Variants in NEDD1 observed in about 807,000 individuals in gnomAD.
The protein encoded by NEDD1 is NEDD1 gamma-tubulin ring complex targeting factor.
In NEDD1, 33 loss-of-function variants were observed where a neutral mutation model predicts 74.0. The observed-to-expected ratio is 0.45, with a 90% confidence interval of 0.34 to 0.60. The LOEUF (loss-of-function observed/expected upper bound fraction) is 0.60. Among genes scored for constraint, NEDD1 ranks in the 20% least tolerant of loss-of-function variants. The probability of loss-of-function intolerance (pLI) is 0.01; values close to 1 mark genes in which losing one functional copy is unlikely to be tolerated. For synonymous variants in NEDD1, 250 were observed against 264.4 expected (o/e 0.95, Z 0.53); for missense variants, 746 against 776.5 (o/e 0.96, Z 0.47).
chr12:96,928,389 A>G (rs1048449967), intron 6 of NEDD1, among the ~76,000 whole-genome samples: 1 of 152,164 alleles, frequency 6.6e-6, no homozygotes. Flanking sequence ...TTGTTTTCAT[A>G]AGTATGTATC....
intron 6 of NEDD1, among the ~76,000 whole-genome samples, chr12:96,928,936 C>T (rs1031397526): frequency 3.3e-5 from 5 of 151,760 alleles, no homozygotes; most frequent in African/African-American, 9.7e-5. Flanking sequence ...GTGATCTGCC[C>T]GCCTCGGCCT....
chr12:96,918,401 TAATATGAAA>T (rs56112144), intron 5 of NEDD1, among the ~76,000 whole-genome samples: 71,356 of 151,314 alleles, frequency 0.47, 16,989 homozygotes, highest in South Asian at 0.52. Context: ...AAAAAAGTTT[TAATATGAAA>T]AATATAAACA....
chr12:96,916,808 C>T (rs540981942), intron 4 of NEDD1, among the ~76,000 whole-genome samples: 11 of 152,144 alleles, frequency 7.2e-5, no homozygotes, highest in Admixed American at 7.2e-4. Flanking sequence ...GTCCACCCTA[C>T]TTATGAAGGA....
intron 6 of NEDD1, among the ~76,000 whole-genome samples, chr12:96,921,511 T>G (rs1434948993): frequency 6.6e-6 from 1 of 152,120 alleles, no homozygotes; most frequent in Non-Finnish European, 1.5e-5. Flanking sequence ...GTCCACATTA[T>G]TGGTGGAACC....
chr12:96,912,771 C>CA lies in NEDD1; in HGVS notation c.187dup (p.Ser63LysfsTer5), dbSNP rs1480272958. The CA allele has an allele frequency of 1.9e-6, 3 of 1,609,648 alleles. No homozygotes were observed. Among genetic ancestry groups the CA allele is most frequent in the Non-Finnish European group, 2.5e-6 (3 of 1,176,706 alleles). On this transcript the variant is annotated frameshift_variant, in exon 4 of 16. Transcript: ENST00000266742. LOFTEE classifies it high-confidence loss of function. ...TCCAGTGGCGACAAAATAGTTGTCT[C>CA]AAGTTGCAAATGTAAACCTGTTCCA... is the stretch of plus-strand genomic sequence containing the variant.
In NEDD1 at chr12:96,907,798, C is replaced by G; in HGVS notation, c.-67C>G. ...CCTGACTGCTAGCTTTCGACGGGAC[C>G]GTCTTTGAGGGACTCATGTAAAGTC... On this transcript the variant is annotated 5_prime_UTR_variant, in exon 2 of 16. Transcript: ENST00000266742. 1.3e-6 allele frequency: 2 copies of G among 1,486,262 alleles called. No individual in the cohort carries two copies. Among genetic ancestry groups the G allele is most frequent in the South Asian group, 1.3e-5 (1 of 75,168 alleles). The allele number at this position is 1,486,262 out of a possible 1,614,324, so 92.1% of individuals were successfully genotyped here. A position where few individuals can be genotyped will look rare whatever the true frequency, so the allele number is the denominator to read the frequency against.
chr12:96,921,670 T>TTC (rs1053735425), intron 6 of NEDD1, among the ~76,000 whole-genome samples: 1 of 151,842 alleles, frequency 6.6e-6, no homozygotes, highest in Non-Finnish European at 1.5e-5. Context: ...GGATTTTTTT[T>TTC]TTTCTTTCTT....
chr12:96,915,596 T>C (rs1874352167), intron 4 of NEDD1, among the ~76,000 whole-genome samples: 1 of 152,234 alleles, frequency 6.6e-6, no homozygotes, highest in African/African-American at 2.4e-5. Context: ...CCTTTGAATT[T>C]GAAGAATCCA....
rs753537875 is a variant in NEDD1 at position 96,936,647 on chromosome 12, T to A, written c.756T>A (p.Thr252=). 6.2e-7 allele frequency: 1 copy of A among 1,613,828 alleles called. No homozygotes were observed. The highest frequency in any genetic ancestry group is 1.1e-5 in the South Asian group (1 of 91,080). Residue 252 remains threonine, a synonymous_variant, in exon 8 of 16, where the codon ACT becomes ACA. Coordinates refer to ENST00000266742, the MANE Select transcript of NEDD1 (RefSeq NM_152905.4). The part of the protein sequence containing the change: ...VKTLVADTPL[T]AVDFMPDGAT... ...CTTTAGTGGCTGACACTCCTCTAAC[T>A]GCGGTAGATTTCATGCCTGATGGAG... is the stretch of plus-strand genomic sequence containing the variant.
At chr12:96,923,849 CGTGT>C (rs138392345) in intron 6 of NEDD1, among the ~76,000 whole-genome samples, 2 of 122,346 alleles carry the variant, frequency 1.6e-5, no homozygotes, top group Non-Finnish European at 3.6e-5. Context: ...TGCCTGTTTG[CGTGT>C]GTGTGTGTGT....
rs1207868073 is a variant in NEDD1 at position 96,928,577 on chromosome 12, T to G, written c.490-6399T>G. On this transcript the variant is annotated intron_variant, in intron 6 of 15. Transcript: ENST00000266742. ...AAGTCACTAGTTTTTTATTCCTAGG[T>G]TATTCAAAGGAATTTTTTTTTTCTT... 2.0e-5 allele frequency among the ~76,000 whole-genome samples: 3 copies of G among 152,194 alleles called. No homozygotes were observed. In the East Asian group the frequency reaches 5.8e-4, roughly 29 times the overall value.
chr12:96,920,592 C>T (rs1874967276), intron 6 of NEDD1, among the ~76,000 whole-genome samples: 1 of 152,046 alleles, frequency 6.6e-6, no homozygotes, highest in African/African-American at 2.4e-5. Flanking sequence ...AGTATCGAAG[C>T]TTATATATTT....
At chr12:96,924,003 A>T (rs1335732315) in intron 6 of NEDD1, among the ~76,000 whole-genome samples, 3 of 152,082 alleles carry the variant, frequency 2.0e-5, no homozygotes, top group Non-Finnish European at 4.4e-5. Flanking sequence ...TTCTTTTAGA[A>T]GCTTTGTTGT....
At chr12:96,908,353 G>A (rs1873541028) in intron 2 of NEDD1, among the ~76,000 whole-genome samples, 1 of 152,160 alleles carries the variant, frequency 6.6e-6, no homozygotes, top group South Asian at 2.1e-4. Context: ...TGTTGTATTG[G>A]TGACTCGGGG....
chr12:96,933,062 AATTTAGGTTTTGTCTTG>A (rs1276743448), intron 6 of NEDD1, among the ~76,000 whole-genome samples: 1 of 151,184 alleles, frequency 6.6e-6, no homozygotes, highest in African/African-American at 2.4e-5. Context: ...TAAGATACAG[AATTTAGGTTTTGTCTTG>A]ATCAAGAATA....
chr12:96,952,736 G>T lies in NEDD1; in HGVS notation c.*683G>T, dbSNP rs548521324. The T allele has an allele frequency of 4.6e-5, 7 of 151,488 alleles. No individual in the cohort carries two copies. Among genetic ancestry groups the T allele is most frequent in the Non-Finnish European group, 8.9e-5 (6 of 67,650 alleles). 9.4% of individuals were successfully genotyped at this position (151,488 alleles called of 1,614,324 possible). A position where few individuals can be genotyped will look rare whatever the true frequency, so the allele number is the denominator to read the frequency against. On this transcript the variant is annotated 3_prime_UTR_variant, in exon 16 of 16. Coordinates refer to ENST00000266742, the MANE Select transcript of NEDD1 (RefSeq NM_152905.4). ...TCTTTACCTATAAAAAATGTTTAAG[G>T]TTCATAGGACTCGACAAGAGCTATC... is the stretch of plus-strand genomic sequence containing the variant.
chr12:96,916,912 A>G (rs1049836076), intron 4 of NEDD1, among the ~76,000 whole-genome samples: 8 of 152,194 alleles, frequency 5.3e-5, no homozygotes, highest in African/African-American at 1.7e-4. Context: ...AGTAGTAGCT[A>G]TAGATAAAGG....
intron 6 of NEDD1, among the ~76,000 whole-genome samples, chr12:96,932,442 T>TAAAAAAAAAAAAAAAAAAAAA (rs747225218): frequency 9.4e-5 from 1 of 10,656 alleles, no homozygotes; most frequent in African/African-American, 6.3e-4. Context: ...TCCTGTCTCT[T>TAAAAAAAAAAAAAAAAAAAAA]AAAAAAAAAA....
intron 14 of NEDD1, among the ~76,000 whole-genome samples, chr12:96,949,299 T>C (rs1407648348): frequency 6.6e-6 from 1 of 152,114 alleles, no homozygotes; most frequent in Non-Finnish European, 1.5e-5. Context: ...TTTACTATAA[T>C]TGAAAGTAGA....
Sources: allele counts gnomAD v4.1 joint callset (sites outside exome capture counted in the v4.1 genomes callset), GRCh38; gene constraint gnomAD v4.1.1; transcripts MANE v1.5; gene names NCBI Gene and HGNC (gene_info 2026-07-23, HGNC 2026-07-21).